CCNT1: variants seen among roughly 807,000 people sequenced by gnomAD.
CCNT1 encodes cyclin T1, also known as cyclin-T1.
In CCNT1, 18 loss-of-function variants were observed where a neutral mutation model predicts 67.3. That is an observed-to-expected ratio of 0.27 (90% confidence interval 0.18 to 0.40). The LOEUF (loss-of-function observed/expected upper bound fraction) is 0.40, where lower values mean the gene tolerates loss of function less well. Ranked by LOEUF, CCNT1 falls within the 10% of genes least tolerant of loss-of-function variation. The pLI is 1.00. For synonymous variants in CCNT1, 333 were observed against 310.3 expected (o/e 1.07, Z -0.77); for missense variants, 744 against 884.9 (o/e 0.84, Z 2.02).
At chr12:48,697,853 A>ATATATAT (rs1489598845) in intron 6 of CCNT1, 2 of 122,116 alleles carry the variant, frequency 1.6e-5, no homozygotes, top group African/African-American at 6.4e-5. Flanking sequence ...AAAAAAAAAA[A>ATATATAT]AAATATATAT....
At chr12:48,709,024 CTA>C (rs970442013) in intron 2 of CCNT1, among the ~76,000 whole-genome samples, 1 of 152,144 alleles carries the variant, frequency 6.6e-6, no homozygotes, top group Non-Finnish European at 1.5e-5. Flanking sequence ...CTGCAGTGAG[CTA>C]TGATTGTACC....
At chr12:48,698,876 A>G (rs966126275) in intron 5 of CCNT1, among the ~76,000 whole-genome samples, 7 of 151,970 alleles carry the variant, frequency 4.6e-5, no homozygotes, top group Admixed American at 4.6e-4. Flanking sequence ...GAATCGCTTG[A>G]ACCCGGGAGG....
At chr12:48,712,519 C>T (rs1940467437) in intron 2 of CCNT1, among the ~76,000 whole-genome samples, 1 of 145,958 alleles carries the variant, frequency 6.9e-6, no homozygotes, top group South Asian at 2.2e-4. Flanking sequence ...CCGCCTCAGC[C>T]TCCTAAAGTT....
intron 2 of CCNT1, among the ~76,000 whole-genome samples, chr12:48,708,734 T>C (rs919948094): frequency 6.6e-6 from 1 of 152,146 alleles, no homozygotes; most frequent in Non-Finnish European, 1.5e-5. Context: ...TTCCTGTCCG[T>C]CCTCTTCCAA....
rs2137225360 is a variant in CCNT1, at chr12:48,696,110, C to T, written c.595G>A (p.Val199Ile). 1 of 1,613,876 alleles carries T rather than the reference C, an allele frequency of 6.2e-7. No individual in the cohort carries two copies. The highest frequency in any genetic ancestry group is 1.1e-5 in the South Asian group (1 of 91,080). Reference protein sequence around the residue: ...LQYTPPVVACVCIHLACKWSN... With the variant: ...LQYTPPVVACICIHLACKWSN... ...CACTTGCAAGCCAGGTGAATGCAGA[C>T]ACAGGCCACCACAGGAGGTGTGTAC... The change falls in exon 7 of 9, where the codon GTC (valine) becomes ATC (isoleucine). Residue 199 changes from valine (V) to isoleucine (I), a missense_variant. Val to Ile is a conservative substitution (Grantham distance 29). This residue lies in a region of CCNT1 where 142 missense variants were observed against 277.0 expected (regional missense o/e 0.51). Coordinates refer to ENST00000261900, the MANE Select transcript of CCNT1 (RefSeq NM_001240.4).
chr12:48,712,037 G>A (rs747144512), intron 2 of CCNT1, among the ~76,000 whole-genome samples: 4 of 152,036 alleles, frequency 2.6e-5, no homozygotes, highest in Non-Finnish European at 4.4e-5. Flanking sequence ...CTCGTGATCC[G>A]CCCATCTTGG....
chr12:48,710,108 T>TTTCG (rs1476293252), intron 2 of CCNT1, among the ~76,000 whole-genome samples: 3 of 152,090 alleles, frequency 2.0e-5, no homozygotes, highest in Non-Finnish European at 4.4e-5. Context: ...GCCAGGATGT[T>TTTCG]TTCGAACTCC....
intron 4 of CCNT1, among the ~76,000 whole-genome samples, chr12:48,700,774 C>T (rs929051225): frequency 6.6e-6 from 1 of 151,988 alleles, no homozygotes; most frequent in Non-Finnish European, 1.5e-5. Flanking sequence ...AAGCAAATAA[C>T]CCTAGAATGA....
At chr12:48,703,528 G>A (rs531300854) in intron 3 of CCNT1, among the ~76,000 whole-genome samples, 1 of 150,516 alleles carries the variant, frequency 6.6e-6, no homozygotes, top group Non-Finnish European at 1.5e-5. Context: ...GGCTGAGATT[G>A]CACCATTGCA....
Position 48,689,997 on chromosome 12 carries a change from A to G in CCNT1, c.*3036T>C, listed in dbSNP as rs1481923577. On this transcript the variant is annotated 3_prime_UTR_variant, in exon 9 of 9. Transcript: ENST00000261900. ...ACTAAAATCATTTTTAAAAAGGAAGAAAAAAGAAGTTGAGGCTCTCTGATA... is the reference window on the plus strand; with the variant it reads ...ACTAAAATCATTTTTAAAAAGGAAGGAAAAAGAAGTTGAGGCTCTCTGATA... 3 of 152,254 alleles carry G rather than the reference A, an allele frequency of 2.0e-5. No homozygotes were observed. Among genetic ancestry groups the G allele is most frequent in the African/African-American group, 7.2e-5 (3 of 41,468 alleles). The allele number at this position is 152,254 out of a possible 1,614,324, so 9.4% of individuals were successfully genotyped here. A position where few individuals can be genotyped will look rare whatever the true frequency, so the allele number is the denominator to read the frequency against.
chr12:48,697,252 G>A (rs1240188601), intron 6 of CCNT1, among the ~76,000 whole-genome samples: 1 of 152,066 alleles, frequency 6.6e-6, no homozygotes, highest in Non-Finnish European at 1.5e-5. Context: ...AGGCACAGTG[G>A]TTTACACCTG....
intron 6 of CCNT1, among the ~76,000 whole-genome samples, chr12:48,697,534 A>AAAAAAAAAAAAAAAAATATATATATATAT (rs1288926072): frequency 2.3e-5 from 3 of 130,706 alleles, no homozygotes; most frequent in Admixed American, 7.8e-5. Context: ...AAAAAAAAAA[A>AAAAAAAAAAAAAAAAATATATATATATAT]ATATATATAT....
At chr12:48,700,285 C>A (rs977397243) in intron 4 of CCNT1, among the ~76,000 whole-genome samples, 1 of 147,256 alleles carries the variant, frequency 6.8e-6, no homozygotes, top group Non-Finnish European at 1.5e-5. Context: ...TGCCACTGCA[C>A]TCCAGCCTGG....
At chr12:48,694,507 T>C (rs1397444199) in intron 8 of CCNT1, 71 bp from the exon 9 acceptor site, 2 of 1,392,384 alleles carry the variant, frequency 1.4e-6, no homozygotes, top group Non-Finnish European at 2.0e-6. Flanking sequence ...GATGAGTAGA[T>C]TGTACTTGCA....
At position 48,693,375 on chromosome 12, in the gene CCNT1, C is replaced by A. The variant is rs770699363; in HGVS notation, c.1839G>T (p.Met613Ile). ...SFPSLPTMGQMPGHSSDTSGL... is the reference protein window; with the variant it reads ...SFPSLPTMGQIPGHSSDTSGL... The stretch of plus-strand genomic sequence containing the variant: ...CACTTGTGTCTGAGCTATGCCCAGG[C>A]ATCTGACCCATTGTAGGAAGTGAAG... The change falls in exon 9 of 9, where the codon ATG becomes ATT. Residue 613 changes from methionine to isoleucine, a missense_variant. By Grantham distance (10) the Met-to-Ile change is conservative. Coordinates refer to ENST00000261900, the MANE Select transcript of CCNT1 (RefSeq NM_001240.4). 31 of 1,614,092 alleles carry A rather than the reference C, an allele frequency of 1.9e-5. No homozygotes were observed. In the Middle Eastern group the frequency reaches 8.2e-4, roughly 43 times the overall value.
At chr12:48,712,595 TAAAAAAAAAA>T (rs759919820) in intron 2 of CCNT1, among the ~76,000 whole-genome samples, 1 of 33,362 alleles carries the variant, frequency 3.0e-5, no homozygotes, top group Non-Finnish European at 4.8e-5. Flanking sequence ...AAAAAAAAAA[TAAAAAAAAAA>T]AAAAAAAAAA....
chr12:48,697,065 C>T (rs1354640488), intron 6 of CCNT1, among the ~76,000 whole-genome samples: 2 of 152,114 alleles, frequency 1.3e-5, no homozygotes, highest in Non-Finnish European at 2.9e-5. Context: ...AACTCCTAGC[C>T]TCAAGTGATC....
intron 4 of CCNT1, among the ~76,000 whole-genome samples, chr12:48,700,467 T>C (rs1323307407): frequency 6.6e-6 from 1 of 151,764 alleles, no homozygotes; most frequent in African/African-American, 2.4e-5. Context: ...TTACCCTACC[T>C]AGAAGAGAAA....
chr12:48,698,196 A>AG lies in CCNT1; in HGVS notation c.497-14_497-13insC. On this transcript the variant is annotated splice_polypyrimidine_tract_variant and intron_variant, in intron 5 of 8. Transcript: ENST00000261900. Reference sequence around the variant, plus strand: ...AAGTCCTTGCTTGCTAAAGAAAAAAAAAAAAAGTCAGGGGTGGGGGAGGAA... The same window carrying AG: ...AAGTCCTTGCTTGCTAAAGAAAAAAAGAAAAAAGTCAGGGGTGGGGGAGGAA... 1 of 1,566,438 alleles carries AG rather than the reference A, an allele frequency of 6.4e-7. No individual in the cohort carries two copies. The highest frequency in any genetic ancestry group is 1.2e-5 in the South Asian group (1 of 82,296).
Sources: allele counts gnomAD v4.1 joint callset (sites outside exome capture counted in the v4.1 genomes callset), GRCh38; gene constraint gnomAD v4.1.1; regional missense constraint gnomAD v4.1.1; transcripts MANE v1.5; gene names NCBI Gene and HGNC (gene_info 2026-07-23, HGNC 2026-07-21).